The following SORCS1 variants were observed in gnomAD, a reference collection of about 807,000 sequenced individuals.
The protein encoded by SORCS1 is sortilin related VPS10 domain containing receptor 1.
A neutral mutation model predicts 146.1 loss-of-function variants in SORCS1; 60 were observed. The observed-to-expected ratio is 0.41, with a 90% confidence interval of 0.33 to 0.51. SORCS1 has a LOEUF of 0.51. Ranked by LOEUF, SORCS1 falls within the 20% of genes least tolerant of loss-of-function variation. SORCS1 has a pLI of 0.21. For synonymous variants in SORCS1, 637 were observed against 584.0 expected (o/e 1.09, Z -1.31); for missense variants, 1,352 against 1,487.6 (o/e 0.91, Z 1.50).
At chr10:107,050,784 T>C (rs952139007) in intron 1 of SORCS1, among the ~76,000 whole-genome samples, 1 of 152,122 alleles carries the variant, frequency 6.6e-6, no homozygotes, top group Non-Finnish European at 1.5e-5. Flanking sequence ...AGTATATATA[T>C]GGTTTTGCAG....
intron 2 of SORCS1, among the ~76,000 whole-genome samples, chr10:106,889,240 G>A (rs189204935): frequency 1.8e-4 from 28 of 152,166 alleles, no homozygotes; most frequent in Admixed American, 6.5e-4. Context: ...ACTTAGTGCC[G>A]TAATGGACAT....
At chr10:106,900,730 C>A (rs1320911954) in intron 2 of SORCS1, among the ~76,000 whole-genome samples, 1 of 152,150 alleles carries the variant, frequency 6.6e-6, no homozygotes. Flanking sequence ...TATCCAAATC[C>A]TACCCTCATA....
intron 22 of SORCS1, among the ~76,000 whole-genome samples, chr10:106,610,902 C>T (rs10786959): frequency 1.3e-5 from 2 of 151,902 alleles, no homozygotes; most frequent in East Asian, 3.9e-4. Context: ...AACATGGTGA[C>T]ACCCGTCTCT....
chr10:107,128,499 G>A (rs1306924972), intron 1 of SORCS1, among the ~76,000 whole-genome samples: 1 of 152,160 alleles, frequency 6.6e-6, no homozygotes, highest in Non-Finnish European at 1.5e-5. Flanking sequence ...GGTTGGCTTT[G>A]GATAAGTGTC....
At chr10:106,852,454 C>G (rs1406703657) in intron 2 of SORCS1, among the ~76,000 whole-genome samples, 2 of 151,692 alleles carry the variant, frequency 1.3e-5, no homozygotes, top group Non-Finnish European at 2.9e-5. Context: ...ATGGTGAAAC[C>G]CTGTCTCTAC....
intron 1 of SORCS1, 44 bp downstream of exon 1, chr10:107,163,925 T>C (rs1394864260): frequency 3.2e-6 from 5 of 1,573,232 alleles, no homozygotes; most frequent in Admixed American, 1.7e-5. Flanking sequence ...ACTTTAACCC[T>C]TTCCATCTTT....
chr10:107,154,524 A>C (rs1159201855), intron 1 of SORCS1, among the ~76,000 whole-genome samples: 1 of 152,216 alleles, frequency 6.6e-6, no homozygotes, highest in Non-Finnish European at 1.5e-5. Context: ...ACACATGAAA[A>C]AAAAACACTT....
chr10:106,621,951 C>T (rs1314418366), intron 19 of SORCS1, among the ~76,000 whole-genome samples: 1 of 152,032 alleles, frequency 6.6e-6, no homozygotes, highest in Non-Finnish European at 1.5e-5. Flanking sequence ...TTCTAGAAAG[C>T]GAAGCTGATC....
intron 2 of SORCS1, among the ~76,000 whole-genome samples, chr10:106,895,971 A>G (rs1440834263): frequency 6.6e-6 from 1 of 151,278 alleles, no homozygotes; most frequent in East Asian, 1.9e-4. Flanking sequence ...ATATGCCTAC[A>G]TACATATAAT....
chr10:106,993,548 A>C (rs1311008745), intron 1 of SORCS1, among the ~76,000 whole-genome samples: 1 of 152,200 alleles, frequency 6.6e-6, no homozygotes, highest in Non-Finnish European at 1.5e-5. Context: ...TTTCTTTTAA[A>C]AACTTATTTT....
intron 1 of SORCS1, among the ~76,000 whole-genome samples, chr10:107,104,711 C>T (rs559554020): frequency 2.8e-4 from 43 of 152,320 alleles, no homozygotes; most frequent in African/African-American, 9.4e-4. Context: ...AAAGAGCTCC[C>T]TTTTTTGCTC....
chr10:107,167,276 A>T (rs1970076020), upstream of SORCS1, among the ~76,000 whole-genome samples: 1 of 152,186 alleles, frequency 6.6e-6, no homozygotes, highest in Non-Finnish European at 1.5e-5. Flanking sequence ...TATCTAGAAG[A>T]CTCCAATAAA....
At chr10:106,737,591 G>A (rs1857044736) in intron 5 of SORCS1, among the ~76,000 whole-genome samples, 1 of 152,184 alleles carries the variant, frequency 6.6e-6, no homozygotes, top group Admixed American at 6.5e-5. Flanking sequence ...CAGGCGTGGT[G>A]GCACACATCT....
chr10:107,014,694 T>C (rs1238647851), intron 1 of SORCS1, among the ~76,000 whole-genome samples: 2 of 152,204 alleles, frequency 1.3e-5, no homozygotes, highest in African/African-American at 4.8e-5. Context: ...AACCCAGCAG[T>C]CTGTGTTTTA....
chr10:107,030,592 T>C (rs936388229), intron 1 of SORCS1, among the ~76,000 whole-genome samples: 17 of 152,330 alleles, frequency 1.1e-4, no homozygotes, highest in Admixed American at 3.9e-4. Flanking sequence ...CAATTTAACT[T>C]GGTGTTTTCT....
At chr10:107,154,101 T>C (rs182330206) in intron 1 of SORCS1, among the ~76,000 whole-genome samples, 3 of 137,274 alleles carry the variant, frequency 2.2e-5, no homozygotes, top group East Asian at 4.9e-4. Context: ...AACCTCCACC[T>C]CCCAGGTTCA....
At chr10:106,690,028 T>G (rs1367441902) in intron 9 of SORCS1, among the ~76,000 whole-genome samples, 1 of 152,202 alleles carries the variant, frequency 6.6e-6, no homozygotes, top group Non-Finnish European at 1.5e-5. Context: ...GTGCATTCTG[T>G]GCAATCAGTA....
chr10:106,987,067 C>T (rs891879741), intron 1 of SORCS1, among the ~76,000 whole-genome samples: 2 of 152,180 alleles, frequency 1.3e-5, no homozygotes, highest in Non-Finnish European at 2.9e-5. Flanking sequence ...TTGCAGGGAA[C>T]TGGATCTTTT....
chr10:106,707,440 A>T (rs1854613716), intron 7 of SORCS1, among the ~76,000 whole-genome samples: 1 of 152,066 alleles, frequency 6.6e-6, no homozygotes, highest in African/African-American at 2.4e-5. Context: ...ACCTCAGGTG[A>T]TCTGCCCGCC....
Sources: gnomAD v4.1 joint callset for allele counts (sites outside exome capture counted in the v4.1 genomes callset) on GRCh38, gnomAD v4.1.1 for gene constraint, MANE v1.5 for transcripts, NCBI Gene and HGNC (gene_info 2026-07-23, HGNC 2026-07-21) for gene names.